XYLT1: variants seen among roughly 807,000 people sequenced by gnomAD.
XYLT1 encodes beta-D-xylosyltransferase 1.
Under a neutral mutation model 91.3 loss-of-function variants are expected in XYLT1, and 36 were observed. The observed-to-expected ratio is 0.39, with a 90% CI of 0.30 to 0.52. XYLT1 has a LOEUF of 0.52. Among genes scored for constraint, XYLT1 ranks in the 20% least tolerant of loss-of-function variants. XYLT1 has a pLI of 0.68. For synonymous variants in XYLT1, 588 were observed against 532.0 expected, an observed-to-expected ratio of 1.11 and a Z score of -1.45; for missense variants, 1,242 against 1,284.5, an observed-to-expected ratio of 0.97 and a Z score of 0.51.
chr16:17,383,434 A>G (rs980161778), intron 1 of XYLT1, among the ~76,000 whole-genome samples: 2 of 151,694 alleles, frequency 1.3e-5, no homozygotes, highest in Admixed American at 1.3e-4. Flanking sequence ...CTAAGCACCC[A>G]TCTTCCTCAC....
rs141603841 is a variant in XYLT1, at chr16:17,330,432, A to C, written c.402+27580T>G. 8.0e-4 allele frequency among the ~76,000 whole-genome samples: 122 copies of C among 151,746 alleles called. 2 individuals carry two copies. In the East Asian group the frequency reaches 0.023, roughly 28 times the overall value. The stretch of plus-strand genomic sequence containing the variant: ...ACATATCAAAGACCCGCATCGTTTC[A>C]CTCCCTGGGCTGTGACTCCAGGGTC... On this transcript the variant is annotated intron_variant, in intron 2 of 11. Transcript: ENST00000261381.
At chr16:17,302,587 C>T (rs978061385) in intron 2 of XYLT1, among the ~76,000 whole-genome samples, 56 of 152,342 alleles carry the variant, frequency 3.7e-4, no homozygotes, top group African/African-American at 1.3e-3. Context: ...GTCAAATCTC[C>T]AGTTCCCCAC....
chr16:17,129,749 G>A (rs2030402049), intron 9 of XYLT1, among the ~76,000 whole-genome samples: 1 of 152,146 alleles, frequency 6.6e-6, no homozygotes, highest in South Asian at 2.1e-4. Flanking sequence ...ATTGTATTTA[G>A]TTTTAGTTAA....
chr16:17,336,697 G>A (rs370475407), intron 2 of XYLT1, among the ~76,000 whole-genome samples: 55 of 152,298 alleles, frequency 3.6e-4, no homozygotes, highest in Middle Eastern at 3.4e-3. Context: ...CAGCCCGTCC[G>A]AATCCCACAG....
intron 2 of XYLT1, among the ~76,000 whole-genome samples, chr16:17,294,320 G>C (rs2034278971): frequency 1.3e-5 from 2 of 152,184 alleles, no homozygotes; most frequent in South Asian, 4.1e-4. Flanking sequence ...CTGTTTCTAG[G>C]CTGCTCCACA....
chr16:17,189,303 C>A (rs2032257362), intron 5 of XYLT1, among the ~76,000 whole-genome samples: 1 of 152,208 alleles, frequency 6.6e-6, no homozygotes, highest in African/African-American at 2.4e-5. Context: ...TCCCGTTCAG[C>A]TGAGGTCCAG....
At chr16:17,455,770 T>A (rs1415029745) in intron 1 of XYLT1, among the ~76,000 whole-genome samples, 1 of 152,172 alleles carries the variant, frequency 6.6e-6, no homozygotes, top group Non-Finnish European at 1.5e-5. Flanking sequence ...GTTCACCCAA[T>A]TACCAGCGAC....
chr16:17,366,004 A>G (rs2035449571), intron 1 of XYLT1, among the ~76,000 whole-genome samples: 1 of 152,044 alleles, frequency 6.6e-6, no homozygotes, highest in Admixed American at 6.6e-5. Context: ...CTTGAGCTAC[A>G]GAGTGTTAAG....
At chr16:17,459,865 G>A (rs1184626746) in intron 1 of XYLT1, among the ~76,000 whole-genome samples, 1 of 152,100 alleles carries the variant, frequency 6.6e-6, no homozygotes. Flanking sequence ...AATTTCCAGT[G>A]GATTTCACTC....
chr16:17,143,431 T>C (rs1382008769), intron 6 of XYLT1, among the ~76,000 whole-genome samples: 1 of 152,072 alleles, frequency 6.6e-6, no homozygotes, highest in East Asian at 1.9e-4. Context: ...CAGTCTAGAG[T>C]TGAACTCAGG....
At chr16:17,158,561 C>A (rs1027126681) in intron 6 of XYLT1, among the ~76,000 whole-genome samples, 2 of 152,192 alleles carry the variant, frequency 1.3e-5, no homozygotes, top group African/African-American at 4.8e-5. Flanking sequence ...AGGGTTGCTG[C>A]AATGAGATAT....
intron 9 of XYLT1, among the ~76,000 whole-genome samples, chr16:17,129,820 G>A (rs2030404313): frequency 1.3e-5 from 2 of 152,198 alleles, no homozygotes; most frequent in Non-Finnish European, 2.9e-5. Context: ...TCATGAAAGA[G>A]CCAGTGGTCA....
At chr16:17,345,458 C>T (rs1264596038) in intron 2 of XYLT1, among the ~76,000 whole-genome samples, 1 of 152,222 alleles carries the variant, frequency 6.6e-6, no homozygotes, top group Non-Finnish European at 1.5e-5. Context: ...TGCATGGAGG[C>T]ACGGAGGCTG....
At chr16:17,162,549 G>A (rs902634654) in intron 5 of XYLT1, among the ~76,000 whole-genome samples, 1 of 151,968 alleles carries the variant, frequency 6.6e-6, no homozygotes, top group South Asian at 2.1e-4. Flanking sequence ...TCTCTACTAC[G>A]AGACTGCCTC....
At chr16:17,136,768 A>G (rs1192091961) in intron 8 of XYLT1, among the ~76,000 whole-genome samples, 1 of 152,096 alleles carries the variant, frequency 6.6e-6, no homozygotes, top group Non-Finnish European at 1.5e-5. Flanking sequence ...TCTTGACTCT[A>G]GATCTTGGGG....
At chr16:17,210,766 C>T (rs539955590) in intron 3 of XYLT1, among the ~76,000 whole-genome samples, 131 of 152,270 alleles carry the variant, frequency 8.6e-4, no homozygotes, top group Middle Eastern at 3.4e-3. Flanking sequence ...CTGCTCACAT[C>T]GAATGGCATT....
At chr16:17,215,370 A>T (rs2032835556) in intron 3 of XYLT1, among the ~76,000 whole-genome samples, 1 of 152,126 alleles carries the variant, frequency 6.6e-6, no homozygotes, top group Non-Finnish European at 1.5e-5. Flanking sequence ...AGGTTAAATG[A>T]AGTCCTAAGG....
At chr16:17,382,195 G>T (rs1391636866) in intron 1 of XYLT1, among the ~76,000 whole-genome samples, 1 of 151,862 alleles carries the variant, frequency 6.6e-6, no homozygotes, top group Non-Finnish European at 1.5e-5. Context: ...TGGAGATGCC[G>T]GTATTTGGGC....
chr16:17,251,919 G>A (rs1056333964), intron 3 of XYLT1, among the ~76,000 whole-genome samples: 43 of 152,012 alleles, frequency 2.8e-4, no homozygotes, highest in African/African-American at 1.0e-3. Context: ...TGGGGTGAGT[G>A]GGAGTTGTGG....
Sources: gnomAD v4.1 joint callset for allele counts (sites outside exome capture counted in the v4.1 genomes callset) on GRCh38, gnomAD v4.1.1 for gene constraint, MANE v1.5 for transcripts, NCBI Gene and HGNC (gene_info 2026-07-23, HGNC 2026-07-21) for gene names.